KCNIP1: variants seen among roughly 807,000 people sequenced by gnomAD.
KCNIP1 encodes the protein potassium voltage-gated channel interacting protein 1.
In KCNIP1, 18 loss-of-function variants were observed where a neutral mutation model predicts 33.0. The observed-to-expected ratio is 0.55, with a 90% confidence interval of 0.38 to 0.81. The LOEUF (loss-of-function observed/expected upper bound fraction) is 0.81, where lower values mean the gene tolerates loss of function less well. Among genes scored for constraint, KCNIP1 ranks in the 30% least tolerant of loss-of-function variants. The pLI, the probability that KCNIP1 is intolerant of heterozygous loss-of-function variation, is 0.00. For missense variants in KCNIP1, 238 were observed against 271.6 expected, an observed-to-expected ratio of 0.88 and a Z score of 0.87; for synonymous variants, 93 against 98.3, an observed-to-expected ratio of 0.95 and a Z score of 0.32.
intron 1 of KCNIP1, among the ~76,000 whole-genome samples, chr5:170,476,787 T>C (rs2093306826): frequency 6.6e-6 from 1 of 152,200 alleles, no homozygotes. Context: ...CTCTCTACCA[T>C]ATATCAAAGA....
At chr5:170,413,006 C>T (rs1435812527) in intron 1 of KCNIP1, among the ~76,000 whole-genome samples, 2 of 152,208 alleles carry the variant, frequency 1.3e-5, no homozygotes, top group Non-Finnish European at 2.9e-5. Context: ...CGATTGTTGT[C>T]TGTTTTGCAC....
chr5:170,698,387 T>C (rs1215419358), intron 1 of KCNIP1, among the ~76,000 whole-genome samples: 3 of 152,200 alleles, frequency 2.0e-5, no homozygotes, highest in Non-Finnish European at 2.9e-5. Context: ...ACATGGGCTT[T>C]GGCATCAAGC....
At chr5:170,530,302 A>G (rs931647214) in intron 1 of KCNIP1, among the ~76,000 whole-genome samples, 1 of 152,242 alleles carries the variant, frequency 6.6e-6, no homozygotes, top group East Asian at 1.9e-4. Flanking sequence ...TATTATATTA[A>G]TAATAGTCAA....
At chr5:170,719,591 T>C (rs180870666) in intron 2 of KCNIP1, among the ~76,000 whole-genome samples, 2 of 152,270 alleles carry the variant, frequency 1.3e-5, no homozygotes, top group African/African-American at 4.8e-5. Flanking sequence ...ATGCACCTGG[T>C]CACCCTCCCT....
intron 1 of KCNIP1, among the ~76,000 whole-genome samples, chr5:170,663,254 G>T (rs763861908): frequency 2.7e-4 from 41 of 152,156 alleles, no homozygotes; most frequent in Non-Finnish European, 4.9e-4. Flanking sequence ...TGAAACTCTG[G>T]GGTATTTGAC....
intron 1 of KCNIP1, among the ~76,000 whole-genome samples, chr5:170,480,666 A>C (rs1050389163): frequency 1.3e-5 from 2 of 151,754 alleles, no homozygotes; most frequent in South Asian, 2.1e-4. Flanking sequence ...CTGGTCTCAA[A>C]CTCCCAGGAT....
chr5:170,378,844 C>T lies in KCNIP1; in HGVS notation c.88+24880C>T, dbSNP rs369035536. On this transcript the variant is annotated intron_variant, in intron 1 of 7. Transcript: ENST00000377360. The stretch of plus-strand genomic sequence containing the variant: ...GGCCCGTAGAGGCGCTGGAATAGGA[C>T]GCTGGTTTCGTTCCCCCGAGGTGCG... The T allele has an allele frequency of 4.3e-5, 70 of 1,614,104 alleles. No homozygotes were observed. The highest frequency in any genetic ancestry group is 2.9e-4 in the African/African-American group (22 of 74,936).
chr5:170,654,552 A>G (rs927812131), intron 1 of KCNIP1, among the ~76,000 whole-genome samples: 2 of 152,218 alleles, frequency 1.3e-5, no homozygotes, highest in African/African-American at 4.8e-5. Flanking sequence ...AATGTATTTA[A>G]TGAGGGTAAA....
chr5:170,716,005 A>C (rs1763632763), intron 1 of KCNIP1, among the ~76,000 whole-genome samples: 2 of 152,174 alleles, frequency 1.3e-5, no homozygotes, highest in African/African-American at 2.4e-5. Context: ...CCCAGGTGGC[A>C]ACAGGAGGGT....
intron 1 of KCNIP1, among the ~76,000 whole-genome samples, chr5:170,452,941 TG>T (rs1304908377): frequency 6.6e-6 from 1 of 152,070 alleles, no homozygotes; most frequent in Non-Finnish European, 1.5e-5. Context: ...TTTTAGAAAA[TG>T]AAGGGGGAAA....
At chr5:170,392,900 CA>C (rs1370852974) in intron 1 of KCNIP1, among the ~76,000 whole-genome samples, 5 of 152,162 alleles carry the variant, frequency 3.3e-5, no homozygotes, top group Non-Finnish European at 7.3e-5. Flanking sequence ...AATAGAAGGG[CA>C]GTGATATGGG....
At chr5:170,445,773 G>A (rs1476432126) in intron 1 of KCNIP1, among the ~76,000 whole-genome samples, 3 of 152,138 alleles carry the variant, frequency 2.0e-5, no homozygotes, top group Non-Finnish European at 2.9e-5. Context: ...GATCTCCTTG[G>A]ATCTAAATTA....
intron 3 of KCNIP1, 52 bp downstream of exon 3, chr5:170,720,442 C>G: frequency 1.5e-6 from 2 of 1,376,534 alleles, no homozygotes; most frequent in African/African-American, 2.8e-5. Flanking sequence ...TGGTAAGCAG[C>G]CTTCCCTTCC....
chr5:170,369,868 A>G (rs7726630), intron 1 of KCNIP1, among the ~76,000 whole-genome samples: 29,940 of 152,138 alleles, frequency 0.2, 3,029 homozygotes, highest in South Asian at 0.29. Context: ...GGCCAGGCCT[A>G]TTATTATCAC....
At chr5:170,578,644 G>A (rs1002540975) in intron 1 of KCNIP1, among the ~76,000 whole-genome samples, 8 of 152,188 alleles carry the variant, frequency 5.3e-5, no homozygotes, top group African/African-American at 1.9e-4. Flanking sequence ...AGGCGATAAG[G>A]ACCAAGCAAT....
chr5:170,501,858 C>T (rs994546975), upstream of KCNIP1, among the ~76,000 whole-genome samples: 2 of 152,238 alleles, frequency 1.3e-5, no homozygotes, highest in African/African-American at 4.8e-5. Flanking sequence ...TTCAGCCTCG[C>T]ATGCCCTCTT....
At position 170,641,198 on chromosome 5, in the gene KCNIP1, C is replaced by T. The variant is rs1760536640; in HGVS notation, c.62-77560C>T. Among the ~76,000 whole-genome samples the T allele has an allele frequency of 3.3e-5, 5 of 152,180 alleles. 1 individual carries two copies. The South Asian group carries it at 1.0e-3, about 32-fold the overall frequency. ...CCGCTGGCTTATGGGCATGGCTTCC[C>T]CATCACTCTGGGTCCTTGGGAAGAG... On this transcript the variant is annotated intron_variant, in intron 1 of 7. Coordinates refer to ENST00000328939, the MANE Select transcript of KCNIP1 (RefSeq NM_014592.4).
chr5:170,506,677 G>A (rs912242920), intron 1 of KCNIP1, among the ~76,000 whole-genome samples: 2 of 152,110 alleles, frequency 1.3e-5, no homozygotes, highest in African/African-American at 4.8e-5. Context: ...CATAATGCTC[G>A]GTGTTTTATC....
rs561911436 is a variant in KCNIP1, at chr5:170,497,897, C to T, written c.88+143933C>T. 9.2e-5 allele frequency among the ~76,000 whole-genome samples: 14 copies of T among 152,354 alleles called. No individual in the cohort carries two copies. The South Asian group carries it at 1.9e-3, about 20-fold the overall frequency. On this transcript the variant is annotated intron_variant, in intron 1 of 7. Transcript: ENST00000377360. Reference sequence around the variant, plus strand: ...TCAGCTCTGGTGGAGACTGTGGCAGCGCAGAAGCGTGCAGGGGGAATCCTC... The same window carrying T: ...TCAGCTCTGGTGGAGACTGTGGCAGTGCAGAAGCGTGCAGGGGGAATCCTC...
Sources: gnomAD v4.1 joint callset for allele counts (sites outside exome capture counted in the v4.1 genomes callset) on GRCh38, gnomAD v4.1.1 for gene constraint, MANE v1.5 for transcripts, NCBI Gene and HGNC (gene_info 2026-07-23, HGNC 2026-07-21) for gene names.